The following CABLES1 variants were observed in gnomAD, a reference collection of about 807,000 sequenced individuals.
CABLES1 encodes Cdk5 and Abl enzyme substrate 1.
CABLES1 carries 36 observed loss-of-function variants against 57.8 expected under a neutral mutation model. That is an observed-to-expected ratio of 0.62 (90% CI 0.48 to 0.82). CABLES1 has a LOEUF of 0.82. CABLES1 is among the 40% of genes least tolerant of loss of function. The pLI is 0.00. For synonymous variants in CABLES1, 374 were observed against 363.0 expected, an observed-to-expected ratio of 1.03 and a Z score of -0.35; for missense variants, 767 against 836.6, an observed-to-expected ratio of 0.92 and a Z score of 1.03.
chr18:23,193,346 C>T (rs992373505), intron 2 of CABLES1, among the ~76,000 whole-genome samples: 17 of 152,140 alleles, frequency 1.1e-4, no homozygotes, highest in African/African-American at 3.1e-4. Context: ...CACCTGCCAC[C>T]GCGCCAGGCT....
At chr18:23,231,014 A>G (rs1025852703) in intron 4 of CABLES1, among the ~76,000 whole-genome samples, 1 of 150,580 alleles carries the variant, frequency 6.6e-6, no homozygotes, top group Non-Finnish European at 1.5e-5. Flanking sequence ...CCATTTGATC[A>G]TGGACCCCAT....
intron 1 of CABLES1, among the ~76,000 whole-genome samples, chr18:23,188,095 A>G (rs1245051134): frequency 6.6e-6 from 1 of 152,182 alleles, no homozygotes; most frequent in Non-Finnish European, 1.5e-5. Flanking sequence ...ATTTATGTAA[A>G]CTTACCACCA....
chr18:23,178,346 A>G (rs34302357), intron 1 of CABLES1, among the ~76,000 whole-genome samples: 18,337 of 152,088 alleles, frequency 0.12, 1,509 homozygotes, highest in Non-Finnish European at 0.18. Flanking sequence ...ATTAGAATGC[A>G]GCACTGCCAC....
At chr18:23,248,538 T>TTTTA (rs1555671608) in intron 7 of CABLES1, among the ~76,000 whole-genome samples, 17 of 93,612 alleles carry the variant, frequency 1.8e-4, no homozygotes, top group African/African-American at 5.9e-4. Context: ...TTTTTTTTTT[T>TTTTA]AAAAAAAGGC....
chr18:23,200,931 G>A (rs930671340), intron 3 of CABLES1, among the ~76,000 whole-genome samples: 3 of 152,172 alleles, frequency 2.0e-5, no homozygotes, highest in African/African-American at 4.8e-5. Context: ...TGGTATTCCC[G>A]CCAGCGTTAT....
intron 1 of CABLES1, among the ~76,000 whole-genome samples, chr18:23,158,644 G>A (rs1402029102): frequency 6.6e-6 from 1 of 152,230 alleles, no homozygotes; most frequent in African/African-American, 2.4e-5. Flanking sequence ...TCAGCAGTGA[G>A]CAGATTAAAC....
At chr18:23,179,160 CCT>C (rs1361654524) in intron 1 of CABLES1, among the ~76,000 whole-genome samples, 1 of 151,904 alleles carries the variant, frequency 6.6e-6, no homozygotes, top group Non-Finnish European at 1.5e-5. Context: ...GTGGCGGGTC[CCT>C]GTAATCCCAG....
At chr18:23,142,059 G>C (rs2046861412) in intron 1 of CABLES1, among the ~76,000 whole-genome samples, 1 of 152,048 alleles carries the variant, frequency 6.6e-6, no homozygotes, top group Non-Finnish European at 1.5e-5. Flanking sequence ...AGATGAGCCT[G>C]CCACCCCTTC....
rs183633832 is a variant in CABLES1, at chr18:23,218,882, G to T, written c.1088+4828G>T. ...AGGCCCTGATGGAGGCTGGGGAAGGGGTGGGGAGGAATGAGTTACCAATCC... is the reference window on the plus strand; with the variant it reads ...AGGCCCTGATGGAGGCTGGGGAAGGTGTGGGGAGGAATGAGTTACCAATCC... On this transcript the variant is annotated intron_variant, in intron 4 of 9. Coordinates refer to ENST00000256925, the MANE Select transcript of CABLES1 (RefSeq NM_001100619.3). Among the ~76,000 whole-genome samples, 1,207 of 152,328 alleles carry T rather than the reference G, an allele frequency of 7.9e-3. 9 individuals are homozygous for T. The highest frequency in any genetic ancestry group is 0.015 in the Admixed American group (232 of 15,310).
intron 1 of CABLES1, among the ~76,000 whole-genome samples, chr18:23,149,405 C>G (rs1213040067): frequency 6.6e-6 from 1 of 152,136 alleles, no homozygotes; most frequent in Non-Finnish European, 1.5e-5. Flanking sequence ...CCTCAGCCTC[C>G]TCAGTACTTG....
rs569579022 is a variant in CABLES1, at chr18:23,174,821, C to CATATATATATATAT, written c.846-13990_846-13977dup. Reference sequence around the variant, plus strand: ...ATTTGTATGTATATACATGTTACACCATATATATATATATATATATATATA... The same window carrying CATATATATATATAT: ...ATTTGTATGTATATACATGTTACACCATATATATATATATATATATATATATATATATATATATA... On this transcript the variant is annotated intron_variant, in intron 1 of 9. Transcript: ENST00000256925. Among the ~76,000 whole-genome samples the CATATATATATATAT allele has an allele frequency of 3.0e-3, 285 of 94,500 alleles. 1 individual carries two copies. The highest frequency in any genetic ancestry group is 8.0e-3 in the African/African-American group (197 of 24,544). 62.0% of individuals were successfully genotyped at this position (94,500 alleles called of 152,430 possible).
chr18:23,254,007 C>A, intron 9 of CABLES1, 71 bp downstream of exon 9: 1 of 1,301,146 alleles, frequency 7.7e-7, no homozygotes, highest in Non-Finnish European at 1.1e-6. Flanking sequence ...CAGAAGGATT[C>A]GGTCAGTGAC....
chr18:23,227,093 C>T (rs1048575651), intron 4 of CABLES1: 3 of 152,070 alleles, frequency 2.0e-5, no homozygotes, highest in Non-Finnish European at 4.4e-5. Flanking sequence ...TGTTTATATC[C>T]TTAACTTTTG....
At position 23,214,062 on chromosome 18, in the gene CABLES1, T is replaced by C; in HGVS notation, c.1088+8T>C. 6.3e-7 allele frequency: 1 copy of C among 1,589,560 alleles called. No homozygotes were observed. The highest frequency in any genetic ancestry group is 8.6e-7 in the Non-Finnish European group (1 of 1,159,580). Reference sequence around the variant, plus strand: ...CGACAGTACCCAAGTCGGGTATGTATATGCATGCATGCTTTGTAGTTCTCT... The same window carrying C: ...CGACAGTACCCAAGTCGGGTATGTACATGCATGCATGCTTTGTAGTTCTCT... On this transcript the variant is annotated splice_region_variant and intron_variant, in intron 4 of 9. Coordinates refer to ENST00000256925, the MANE Select transcript of CABLES1 (RefSeq NM_001100619.3).
intron 2 of CABLES1, among the ~76,000 whole-genome samples, chr18:23,193,194 C>CTTTTTT (rs763239686): frequency 0.084 from 11,878 of 142,040 alleles, 1,089 homozygotes; most frequent in Admixed American, 0.21. Flanking sequence ...AAGAATCTTT[C>CTTTTTT]TTTTTTTTTT....
rs1488814703 is a variant in CABLES1 at position 23,142,755 on chromosome 18, A to AGAGTGGTGAGTGAGTGGT, written c.845+6149_845+6166dup. ...GACATAAGTAAACGGGCAAGTTGGT[A>AGAGTGGTGAGTGAGTGGT]GAGTGGTGAGTGAGTGGTTAGAGGT... is the stretch of plus-strand genomic sequence containing the variant. On this transcript the variant is annotated intron_variant, in intron 1 of 9. Coordinates refer to ENST00000256925, the MANE Select transcript of CABLES1 (RefSeq NM_001100619.3). Among the ~76,000 whole-genome samples, 3 of 152,302 alleles carry AGAGTGGTGAGTGAGTGGT rather than the reference A, an allele frequency of 2.0e-5. No individual in the cohort carries two copies. In the East Asian group the frequency reaches 5.8e-4, roughly 29 times the overall value.
chr18:23,139,227 C>G (rs1303817006), intron 1 of CABLES1, among the ~76,000 whole-genome samples: 1 of 151,806 alleles, frequency 6.6e-6, no homozygotes, highest in East Asian at 1.9e-4. Context: ...CATGGTGAAA[C>G]CCCATCTCTA....
chr18:23,146,218 G>T (rs1394881710), intron 1 of CABLES1, among the ~76,000 whole-genome samples: 1 of 152,238 alleles, frequency 6.6e-6, no homozygotes, highest in Non-Finnish European at 1.5e-5. Flanking sequence ...GGAGCTGGAA[G>T]ATATTCAAAG....
intron 3 of CABLES1, among the ~76,000 whole-genome samples, chr18:23,195,285 T>C (rs369261603): frequency 6.6e-6 from 1 of 152,182 alleles, no homozygotes; most frequent in South Asian, 2.1e-4. Context: ...TGTGTAACCC[T>C]TGGGGGCAGT....
Sources: allele counts gnomAD v4.1 joint callset (sites outside exome capture counted in the v4.1 genomes callset), GRCh38; gene constraint gnomAD v4.1.1; transcripts MANE v1.5; gene names NCBI Gene and HGNC (gene_info 2026-07-23, HGNC 2026-07-21).